ABCA3: variants seen among roughly 807,000 people sequenced by gnomAD.
The protein encoded by ABCA3 is ATP binding cassette subfamily A member 3.
Under a neutral mutation model 172.8 loss-of-function variants are expected in ABCA3, and 88 were observed. The observed-to-expected ratio is 0.51, with a 90% CI of 0.43 to 0.61. ABCA3 has a LOEUF of 0.61. Ranked by LOEUF, ABCA3 falls within the 20% of genes least tolerant of loss-of-function variation. The pLI is 0.00. For synonymous variants in ABCA3, 1,066 were observed against 983.8 expected (o/e 1.08, Z -1.56); for missense variants, 2,164 against 2,301.0 (o/e 0.94, Z 1.22).
intron 1 of ABCA3, among the ~76,000 whole-genome samples, chr16:2,331,065 T>C (rs1395221685): frequency 6.6e-6 from 1 of 152,132 alleles, no homozygotes; most frequent in East Asian, 1.9e-4. Context: ...TTCTAACTAC[T>C]ACACTACTAC....
Position 2,288,333 on chromosome 16 carries a change from C to T in ABCA3, c.2701-4G>A, listed in dbSNP as rs550227364. On this transcript the variant is annotated splice_region_variant and splice_polypyrimidine_tract_variant and intron_variant, in intron 20 of 32. Transcript: ENST00000301732. ...ATTGCTGGCAGTGCAGGGCGAGCTG[C>T]GGCAGAGGGGACGCAGGTGACACCG... The T allele has an allele frequency of 1.9e-5, 29 of 1,547,700 alleles. No homozygotes were observed. In the Admixed American group the frequency reaches 2.5e-4, roughly 13 times the overall value.
chr16:2,321,567 A>G (rs1567352921), intron 7 of ABCA3, among the ~76,000 whole-genome samples: 1 of 152,180 alleles, frequency 6.6e-6, no homozygotes, highest in Non-Finnish European at 1.5e-5. Context: ...ACTTCCACCC[A>G]GAACCTGCAG....
chr16:2,278,046 C>T lies in ABCA3; in HGVS notation c.4742G>A (p.Cys1581Tyr). The T allele has an allele frequency of 6.2e-7, 1 of 1,613,446 alleles. No individual in the cohort carries two copies. Residue 1581 changes from cysteine to tyrosine, a missense_variant, in exon 31 of 33, where the codon TGC becomes TAC. This residue lies in a region of ABCA3 where 795 missense variants were observed against 881.9 expected (regional missense o/e 0.90). Transcript: ENST00000301732. This position sits in a 1 kb window ranked among gnomAD's most constrained non-coding sequence, Gnocchi z 4.4. Reference sequence around the variant, plus strand: ...CTGCACCATGATGGCCAGCCGGGTGCACAGGGCCTCACACTCCTCCATGCT... The same window carrying T: ...CTGCACCATGATGGCCAGCCGGGTGTACAGGGCCTCACACTCCTCCATGCT... ...SHSMEECEAL[C>Y]TRLAIMVQGQ...
intron 12 of ABCA3, among the ~76,000 whole-genome samples, chr16:2,303,242 G>T (rs924735250): frequency 6.6e-6 from 1 of 151,634 alleles, no homozygotes; most frequent in Non-Finnish European, 1.5e-5. Context: ...ATAGATTTCA[G>T]GAATCCGAAC....
At chr16:2,332,338 GCACAGGCACCAGGGC>G in intron 1 of ABCA3, 1 of 741,602 alleles carries the variant, frequency 1.3e-6, no homozygotes, top group Non-Finnish European at 2.5e-6. Flanking sequence ...CTAGTAGCGA[GCACAGGCACCAGGGC>G]TTCTAAACTT....
chr16:2,333,602 CA>C (rs146386846), intron 1 of ABCA3, among the ~76,000 whole-genome samples: 3,420 of 152,216 alleles, frequency 0.022, 141 homozygotes, highest in African/African-American at 0.078. Context: ...GACAAAAAAG[CA>C]TTTGTTCATT....
At chr16:2,291,316 A>C (rs565540146) in intron 19 of ABCA3, among the ~76,000 whole-genome samples, 3 of 151,552 alleles carry the variant, frequency 2.0e-5, no homozygotes, top group East Asian at 2.0e-4. Context: ...ACAGAGTGAG[A>C]CTCTGTCTCA....
In ABCA3 at chr16:2,284,629, C is replaced by T. The variant is rs935360352; in HGVS notation, c.3703+150G>A. 9.9e-6 allele frequency: 12 copies of T among 1,216,372 alleles called. 1 individual carries two copies. Among genetic ancestry groups the T allele is most frequent in the South Asian group, 5.4e-5 (4 of 74,124 alleles). The allele number at this position is 1,216,372 out of a possible 1,614,324, so 75.3% of individuals were successfully genotyped here. ...CGCCTGCCCACCAGTCATGGCTAGC[C>T]GGGCAGGGCCAGCTGGGGCAGAGGG... On this transcript the variant is annotated intron_variant, in intron 24 of 32. Coordinates refer to ENST00000301732, the MANE Select transcript of ABCA3 (RefSeq NM_001089.3). The surrounding 1 kb of genome is among the most constrained non-coding windows in gnomAD (Gnocchi z 5.9).
At chr16:2,331,650 A>T (rs752501030) in intron 1 of ABCA3, among the ~76,000 whole-genome samples, 3 of 152,232 alleles carry the variant, frequency 2.0e-5, no homozygotes, top group Non-Finnish European at 4.4e-5. Flanking sequence ...AAAATCTGGC[A>T]AGTTTTTTGT....
chr16:2,323,372 A>G, intron 7 of ABCA3, 151 bp downstream of exon 7: 1 of 950,598 alleles, frequency 1.1e-6, no homozygotes, highest in Non-Finnish European at 1.7e-6. Context: ...TTATTGCGGC[A>G]CTATTCACAA....
intron 11 of ABCA3, among the ~76,000 whole-genome samples, chr16:2,307,362 G>A (rs899575417): frequency 6.6e-6 from 1 of 151,910 alleles, no homozygotes; most frequent in Admixed American, 6.6e-5. Context: ...AGACCAGCCT[G>A]GCCAACATGG....
chr16:2,282,163 T>A (rs541781605), intron 26 of ABCA3, among the ~76,000 whole-genome samples: 2 of 152,318 alleles, frequency 1.3e-5, no homozygotes, highest in South Asian at 4.1e-4. Flanking sequence ...TGCAATGGTG[T>A]AATCATAGGT....
chr16:2,315,534 T>C (rs1371727556), intron 10 of ABCA3, among the ~76,000 whole-genome samples: 2 of 151,406 alleles, frequency 1.3e-5, no homozygotes, highest in Admixed American at 6.6e-5. Context: ...CAATGCCCAC[T>C]AGAAGAACTA....
At chr16:2,299,915 T>C (rs1338002305) in intron 13 of ABCA3, 90 bp downstream of exon 13, 2 of 1,574,516 alleles carry the variant, frequency 1.3e-6, no homozygotes, top group Non-Finnish European at 1.7e-6. Flanking sequence ...AGGGAGCGCC[T>C]GACGGGCTAT....
Position 2,284,556 on chromosome 16 carries a change from T to A in ABCA3, c.3704-119A>T. 7.0e-7 allele frequency: 1 copy of A among 1,435,696 alleles called. No homozygotes were observed. The highest frequency in any genetic ancestry group is 9.7e-7 in the Non-Finnish European group (1 of 1,026,720). The allele number at this position is 1,435,696 out of a possible 1,614,324, so 88.9% of individuals were successfully genotyped here. ...GTGCTGTGTGGAGTGAGGGGGCACCTCCCAGGGACGCCCCTGCCGGCTCTG... is the reference window on the plus strand; with the variant it reads ...GTGCTGTGTGGAGTGAGGGGGCACCACCCAGGGACGCCCCTGCCGGCTCTG... On this transcript the variant is annotated intron_variant, in intron 24 of 32. Coordinates refer to ENST00000301732, the MANE Select transcript of ABCA3 (RefSeq NM_001089.3). This position sits in a 1 kb window ranked among gnomAD's most constrained non-coding sequence, Gnocchi z 5.9.
intron 10 of ABCA3, 42 bp downstream of exon 10, chr16:2,317,241 G>A: frequency 6.2e-7 from 1 of 1,612,392 alleles, no homozygotes; most frequent in Non-Finnish European, 8.5e-7. Context: ...GATGGCCCTT[G>A]GCCCCTTGGC....
chr16:2,326,255 G>T lies in ABCA3; in HGVS notation c.74C>A (p.Thr25Lys), dbSNP rs769313907. 1 of 1,613,342 alleles carries T rather than the reference G, an allele frequency of 6.2e-7. No homozygotes were observed. The highest frequency in any genetic ancestry group is 1.7e-5 in the Admixed American group (1 of 59,998). The change falls in exon 5 of 33, where the codon ACG becomes AAG. Residue 25 changes from threonine (T) to lysine (K), a missense_variant. Around this residue, in one of 3 missense-constraint regions of ABCA3, gnomAD observed 1,343 missense variants for 1,369.6 expected, o/e 0.98. Transcript: ENST00000301732. The stretch of plus-strand genomic sequence containing the variant: ...CAATGGCAGGAAGAGTTCCAGGACC[G>T]TCACCAGGACCTTCCGCTTCTGGAA... ...YTLQKRKVLV[T>K]VLELFLPLLF... is the part of the protein sequence containing the mutation.
chr16:2,311,076 C>A (rs1170344135), intron 10 of ABCA3, among the ~76,000 whole-genome samples: 2 of 152,086 alleles, frequency 1.3e-5, no homozygotes, highest in African/African-American at 4.8e-5. Context: ...TGGGTTCAAG[C>A]AATTCTCCTG....
intron 11 of ABCA3, among the ~76,000 whole-genome samples, chr16:2,307,398 CA>C (rs1319036804): frequency 1.3e-5 from 2 of 151,644 alleles, no homozygotes; most frequent in African/African-American, 4.8e-5. Flanking sequence ...ACTAAAAATA[CA>C]AAAAAATTAG....
Sources: allele counts gnomAD v4.1 joint callset (sites outside exome capture counted in the v4.1 genomes callset), GRCh38; gene constraint gnomAD v4.1.1; regional missense constraint gnomAD v4.1.1; non-coding constraint Gnocchi (gnomAD v3.1); transcripts MANE v1.5; gene names NCBI Gene and HGNC (gene_info 2026-07-23, HGNC 2026-07-21).